The following MRPS18B variants were observed in gnomAD, a reference collection of about 807,000 sequenced individuals.
The protein encoded by MRPS18B is small ribosomal subunit protein mS40.
In MRPS18B, 27 loss-of-function variants were observed where a neutral mutation model predicts 28.4. That is an observed-to-expected ratio of 0.95 (90% CI 0.70 to 1.31). The LOEUF (loss-of-function observed/expected upper bound fraction) is 1.31, where lower values mean the gene tolerates loss of function less well. Among genes scored for constraint, MRPS18B ranks in the 40% most tolerant of loss-of-function variants. The probability of loss-of-function intolerance (pLI) is 0.00; values close to 1 mark genes in which losing one functional copy is unlikely to be tolerated. For missense variants in MRPS18B, 343 were observed against 335.9 expected (o/e 1.02, Z -0.17); for synonymous variants, 118 against 123.7 (o/e 0.95, Z 0.30).
In MRPS18B at chr6:30,617,852, G is replaced by A. The variant is rs1760799904; in HGVS notation, c.-14G>A. The A allele has an allele frequency of 6.2e-7, 1 of 1,614,026 alleles. No individual in the cohort carries two copies. The highest frequency in any genetic ancestry group is 1.3e-5 in the African/African-American group (1 of 74,918). ...TTGCCTTTCCGTCAATTCCTGTCCT[G>A]GGCGTACGTCAAGATGGCGGCGTCT... is the stretch of plus-strand genomic sequence containing the variant. On this transcript the variant is annotated 5_prime_UTR_variant, in exon 1 of 7. Coordinates refer to ENST00000259873, the MANE Select transcript of MRPS18B (RefSeq NM_014046.4).
intron 6 of MRPS18B, 73 bp from the exon 7 acceptor site, chr6:30,625,429 A>G (rs1232308611): frequency 7.2e-7 from 1 of 1,391,238 alleles, no homozygotes; most frequent in Non-Finnish European, 9.8e-7. Context: ...TCCCTTTATA[A>G]TCCTTTTTCT....
Position 30,617,994 on chromosome 6 carries a change from C to G in MRPS18B, c.78+51C>G, listed in dbSNP as rs3895681. On this transcript the variant is annotated intron_variant, in intron 1 of 6. Transcript: ENST00000259873. ...CAACCTCAAGTTGGTTATACCTTCT[C>G]GAGGTTGTCGCTCCACTGTCAGGAA... is the stretch of plus-strand genomic sequence containing the variant. 9.4e-3 allele frequency: 14,935 copies of G among 1,590,628 alleles called. 279 individuals carry two copies. The highest frequency in any genetic ancestry group is 0.042 in the Admixed American group (2,529 of 59,792).
chr6:30,625,219 T>A (rs1761440777), intron 6 of MRPS18B, among the ~76,000 whole-genome samples: 1 of 152,202 alleles, frequency 6.6e-6, no homozygotes, highest in African/African-American at 2.4e-5. Flanking sequence ...GGCCCTGGAC[T>A]ACATGGCACT....
intron 1 of MRPS18B, 102 bp downstream of exon 1, chr6:30,618,045 G>A: frequency 8.0e-7 from 1 of 1,254,652 alleles, no homozygotes. Context: ...CTTCCCACGT[G>A]TGTCTTAGCT....
At chr6:30,618,598 G>C (rs1207176384) in intron 1 of MRPS18B, 1 of 152,202 alleles carries the variant, frequency 6.6e-6, no homozygotes, top group Admixed American at 6.6e-5. Flanking sequence ...AGATAGGAAG[G>C]CTTGCCCAGC....
At chr6:30,625,466 T>A (rs750657684) in intron 6 of MRPS18B, 36 bp from the exon 7 acceptor site, 1 of 1,495,356 alleles carries the variant, frequency 6.7e-7, no homozygotes, top group African/African-American at 1.4e-5. Context: ...CCCTCCTCAT[T>A]GCCTCTTAAA....
chr6:30,618,716 C>T (rs1339806085), intron 1 of MRPS18B: 1 of 152,310 alleles, frequency 6.6e-6, no homozygotes, highest in Non-Finnish European at 1.5e-5. Context: ...TTGTTCTGCC[C>T]TGTAGAATGT....
At chr6:30,625,408 T>C in intron 6 of MRPS18B, 94 bp from the exon 7 acceptor site, 1 of 1,264,122 alleles carries the variant, frequency 7.9e-7, no homozygotes, top group Non-Finnish European at 1.1e-6. Context: ...CTGGTGGCTC[T>C]GACTGGTCCT....
At chr6:30,622,301 G>A (rs1448049769) in intron 4 of MRPS18B, among the ~76,000 whole-genome samples, 3 of 151,892 alleles carry the variant, frequency 2.0e-5, no homozygotes, top group African/African-American at 7.3e-5. Flanking sequence ...GGTGGCTCAT[G>A]CCTGTAATCC....
intron 5 of MRPS18B, 49 bp downstream of exon 5, chr6:30,622,947 C>A: frequency 1.3e-6 from 2 of 1,572,902 alleles, no homozygotes; most frequent in East Asian, 2.2e-5. Context: ...TTGTGGCATG[C>A]CTTGTTTATG....
At chr6:30,622,181 C>G (rs1482624065) in intron 4 of MRPS18B, among the ~76,000 whole-genome samples, 1 of 151,998 alleles carries the variant, frequency 6.6e-6, no homozygotes, top group East Asian at 1.9e-4. Flanking sequence ...GTTGTTTATA[C>G]ATACACATTA....
chr6:30,622,986 G>T, intron 5 of MRPS18B, 88 bp downstream of exon 5: 1 of 1,332,082 alleles, frequency 7.5e-7, no homozygotes. Flanking sequence ...TTGTTCAGTG[G>T]CTCCTGCTTA....
chr6:30,625,796 A>G lies in MRPS18B; in HGVS notation c.776A>G (p.Ter259TrpextTer3), dbSNP rs1368474561. ...CAGACAGGCCCTCAGAGTGCTCTGT[A>G]GGAGCTGTAGACTGGGAAGAGAGGC... Reference protein sequence around the residue: ...TGQTGPQSAL* With the variant: ...TGQTGPQSALW The change falls in exon 7 of 7, where the codon TAG (stop) becomes TGG (tryptophan). Residue 259 changes from the stop codon to tryptophan (W), a stop_lost. Transcript: ENST00000259873. 4 of 1,603,316 alleles carry G rather than the reference A, an allele frequency of 2.5e-6. No homozygotes were observed. The highest frequency in any genetic ancestry group is 3.4e-6 in the Non-Finnish European group (4 of 1,172,172).
chr6:30,619,909 TTC>T lies in MRPS18B; in HGVS notation c.286-6_286-5del, dbSNP rs1761037396. The T allele has an allele frequency of 3.1e-6, 5 of 1,614,148 alleles. No individual in the cohort carries two copies. The highest frequency in any genetic ancestry group is 1.3e-5 in the African/African-American group (1 of 75,060). On this transcript the variant is annotated splice_polypyrimidine_tract_variant and intron_variant, in intron 3 of 6. Transcript: ENST00000259873. Reference sequence around the variant, plus strand: ...TGAACATCCTTAACTGCTGTTTTTTTTCTCTCTACAGCGTCGGAATAAAGTTG... The same window carrying T: ...TGAACATCCTTAACTGCTGTTTTTTTTCTCTACAGCGTCGGAATAAAGTTG...
Position 30,626,135 on chromosome 6 carries a change from C to T in MRPS18B, c.*338C>T. 3.3e-6 allele frequency: 1 copy of T among 305,776 alleles called. No individual in the cohort carries two copies. Among genetic ancestry groups the T allele is most frequent in the Non-Finnish European group, 6.0e-6 (1 of 166,260 alleles). 18.9% of individuals were successfully genotyped at this position (305,776 alleles called of 1,614,324 possible). A position where few individuals can be genotyped will look rare whatever the true frequency, so the allele number is the denominator to read the frequency against. On this transcript the variant is annotated 3_prime_UTR_variant, in exon 7 of 7. Transcript: ENST00000259873. Reference sequence around the variant, plus strand: ...AAGACTGGGAAGAGAGCTAGAGGGACTAGGAGATAATGTGTATGTAGGTTT... The same window carrying T: ...AAGACTGGGAAGAGAGCTAGAGGGATTAGGAGATAATGTGTATGTAGGTTT...
chr6:30,618,837 C>G (rs1317174425), intron 1 of MRPS18B, among the ~76,000 whole-genome samples: 1 of 152,158 alleles, frequency 6.6e-6, no homozygotes, highest in Non-Finnish European at 1.5e-5. Context: ...TTCCAAGAAC[C>G]TAGATATCCT....
chr6:30,622,516 C>T (rs994329363), intron 4 of MRPS18B, among the ~76,000 whole-genome samples: 34 of 142,256 alleles, frequency 2.4e-4, no homozygotes, highest in Non-Finnish European at 4.7e-4. Context: ...GAGCTGAGAT[C>T]GCGCCACTGC....
At chr6:30,620,072 C>A in intron 4 of MRPS18B, 83 bp downstream of exon 4, 1 of 1,327,816 alleles carries the variant, frequency 7.5e-7, no homozygotes, top group Non-Finnish European at 1.1e-6. Flanking sequence ...AATCCCAGCA[C>A]TTTGGGAGGC....
At position 30,622,552 on chromosome 6, in the gene MRPS18B, A is replaced by ACT. The variant is rs1407544903; in HGVS notation, c.355-277_355-276dup. On this transcript the variant is annotated intron_variant, in intron 4 of 6. Coordinates refer to ENST00000259873, the MANE Select transcript of MRPS18B (RefSeq NM_014046.4). Reference sequence around the variant, plus strand: ...ACTCCAGCCTGGGCAACACAGGGAGACTCTGTCTCAAAAAAAAAAAAAAAA... The same window carrying ACT: ...ACTCCAGCCTGGGCAACACAGGGAGACTCTCTGTCTCAAAAAAAAAAAAAAAA... Among the ~76,000 whole-genome samples the ACT allele has an allele frequency of 4.7e-5, 6 of 126,410 alleles. No individual in the cohort carries two copies. The East Asian group carries it at 1.4e-3, about 29-fold the overall frequency. 82.9% of individuals were successfully genotyped at this position (126,410 alleles called of 152,430 possible). A position where few individuals can be genotyped will look rare whatever the true frequency, so the allele number is the denominator to read the frequency against.
Sources: gnomAD v4.1 joint callset for allele counts (sites outside exome capture counted in the v4.1 genomes callset) on GRCh38, gnomAD v4.1.1 for gene constraint, MANE v1.5 for transcripts, NCBI Gene and HGNC (gene_info 2026-07-23, HGNC 2026-07-21) for gene names.